Variants in FER observed in about 807,000 individuals in gnomAD.
The protein encoded by FER is FER tyrosine kinase.
Under a neutral mutation model 111.0 loss-of-function variants are expected in FER, and 63 were observed. That is an observed-to-expected ratio of 0.57 (90% confidence interval 0.46 to 0.70). The LOEUF is 0.70. FER is among the 30% of genes least tolerant of loss of function. The pLI is 0.00. For synonymous variants in FER, 327 were observed against 313.9 expected (o/e 1.04, Z -0.44); for missense variants, 914 against 954.0 (o/e 0.96, Z 0.55).
At chr5:109,134,101 A>G (rs1020028056) in intron 17 of FER, among the ~76,000 whole-genome samples, 1 of 152,122 alleles carries the variant, frequency 6.6e-6, no homozygotes, top group African/African-American at 2.4e-5. Context: ...TGAAAGGATA[A>G]AAGAATGTTT....
At chr5:108,873,662 G>A (rs973680206) in intron 8 of FER, among the ~76,000 whole-genome samples, 2 of 151,986 alleles carry the variant, frequency 1.3e-5, no homozygotes, top group African/African-American at 4.8e-5. Flanking sequence ...CCCTATACAG[G>A]GGTCTCACTT....
chr5:108,760,993 C>T (rs565523921), intron 1 of FER, among the ~76,000 whole-genome samples: 28 of 151,664 alleles, frequency 1.8e-4, no homozygotes, highest in Admixed American at 1.4e-3. Context: ...TGCAGTGGCA[C>T]GATCTCTGCT....
At chr5:108,903,338 A>C (rs1750307317) in intron 10 of FER, among the ~76,000 whole-genome samples, 2 of 152,188 alleles carry the variant, frequency 1.3e-5, no homozygotes, top group African/African-American at 4.8e-5. Flanking sequence ...ATTTTGTTAC[A>C]TTTTCAACCA....
rs115974690 is a variant in FER at position 109,131,076 on chromosome 5, C to T, written c.2048+30557C>T. 4.2e-3 allele frequency among the ~76,000 whole-genome samples: 638 copies of T among 152,104 alleles called. 2 individuals carry two copies. The highest frequency in any genetic ancestry group is 0.014 in the Middle Eastern group (4 of 294). The stretch of plus-strand genomic sequence containing the variant: ...GAAGACACTCAATATATGTTTGTCG[C>T]AAGGAAGTTAGAGAAGAGAGAAACT... On this transcript the variant is annotated intron_variant, in intron 17 of 19. Coordinates refer to ENST00000281092, the MANE Select transcript of FER (RefSeq NM_005246.4).
At chr5:108,800,852 C>G (rs1018982653) in intron 3 of FER, among the ~76,000 whole-genome samples, 9 of 152,150 alleles carry the variant, frequency 5.9e-5, no homozygotes, top group African/African-American at 2.2e-4. Flanking sequence ...CGAGACCATC[C>G]TGGCTAACAC....
At chr5:108,811,970 C>T (rs986675639) in intron 3 of FER, among the ~76,000 whole-genome samples, 16 of 152,300 alleles carry the variant, frequency 1.1e-4, no homozygotes, top group Admixed American at 3.9e-4. Flanking sequence ...ATGCTAATCT[C>T]TTCTGGAAAC....
At chr5:109,024,310 A>C (rs1455612206) in intron 13 of FER, among the ~76,000 whole-genome samples, 1 of 152,180 alleles carries the variant, frequency 6.6e-6, no homozygotes, top group African/African-American at 2.4e-5. Flanking sequence ...CCAACAGCCC[A>C]ACAAAATGAC....
At chr5:108,883,682 C>T (rs2150287746) in intron 9 of FER, among the ~76,000 whole-genome samples, 164 bp downstream of exon 9, 1 of 151,992 alleles carries the variant, frequency 6.6e-6, no homozygotes, top group East Asian at 1.9e-4. Context: ...AAAAATGATT[C>T]TGTGGTTTTA....
intron 13 of FER, among the ~76,000 whole-genome samples, chr5:109,031,544 A>G (rs754947718): frequency 9.2e-5 from 14 of 152,332 alleles, no homozygotes; most frequent in Non-Finnish European, 1.8e-4. Context: ...CTTCTGGTCT[A>G]TAAGATTAAG....
At chr5:109,044,623 G>T in intron 14 of FER, 57 bp from the exon 15 acceptor site, 1 of 840,798 alleles carries the variant, frequency 1.2e-6, no homozygotes, top group South Asian at 2.1e-5. Context: ...CCTTGTATTT[G>T]GCAAAGATAT....
intron 13 of FER, among the ~76,000 whole-genome samples, chr5:109,004,957 C>A (rs1404195511): frequency 6.6e-6 from 1 of 151,512 alleles, no homozygotes; most frequent in Non-Finnish European, 1.5e-5. Flanking sequence ...AAAAGAACTA[C>A]TGATAAAAGC....
intron 13 of FER, among the ~76,000 whole-genome samples, chr5:109,017,609 A>G (rs1399950004): frequency 6.6e-6 from 1 of 151,984 alleles, no homozygotes; most frequent in African/African-American, 2.4e-5. Flanking sequence ...TAGTTCTTTT[A>G]GCTTGGGTCC....
chr5:108,874,642 T>G (rs1392379370), intron 8 of FER, among the ~76,000 whole-genome samples: 1 of 152,022 alleles, frequency 6.6e-6, no homozygotes, highest in African/African-American at 2.4e-5. Flanking sequence ...TTAGTAGTGC[T>G]TTAAAGTTAA....
intron 2 of FER, among the ~76,000 whole-genome samples, chr5:108,789,842 A>T (rs1454597076): frequency 6.6e-6 from 1 of 152,082 alleles, no homozygotes; most frequent in African/African-American, 2.4e-5. Context: ...ACCTCAAGTG[A>T]TCCACCTGCC....
chr5:108,764,844 G>T (rs1444644158), intron 1 of FER, among the ~76,000 whole-genome samples: 1 of 152,200 alleles, frequency 6.6e-6, no homozygotes, highest in Non-Finnish European at 1.5e-5. Context: ...GAGAAGTAGA[G>T]CCAGGACTAG....
At chr5:109,092,137 A>G (rs1004743425) in intron 16 of FER, among the ~76,000 whole-genome samples, 1 of 151,936 alleles carries the variant, frequency 6.6e-6, no homozygotes, top group Non-Finnish European at 1.5e-5. Context: ...AAAATGACCT[A>G]AATGTAAGAT....
At chr5:108,843,637 C>T (rs1761508825) in intron 5 of FER, among the ~76,000 whole-genome samples, 1 of 150,166 alleles carries the variant, frequency 6.7e-6, no homozygotes. Context: ...TCAAGTAATT[C>T]TCCTCCTCAG....
chr5:109,133,281 A>G (rs1413271872), intron 17 of FER, among the ~76,000 whole-genome samples: 1 of 152,176 alleles, frequency 6.6e-6, no homozygotes, highest in Non-Finnish European at 1.5e-5. Flanking sequence ...TATGCAAACA[A>G]TGCTAGAAAA....
At chr5:109,032,806 CTAAAA>C (rs1279385834) in intron 13 of FER, among the ~76,000 whole-genome samples, 3 of 152,146 alleles carry the variant, frequency 2.0e-5, no homozygotes, top group Admixed American at 1.3e-4. Context: ...CAGAATCTCT[CTAAAA>C]TAAGAGAATT....
Sources: gnomAD v4.1 joint callset for allele counts (sites outside exome capture counted in the v4.1 genomes callset) on GRCh38, gnomAD v4.1.1 for gene constraint, MANE v1.5 for transcripts, NCBI Gene and HGNC (gene_info 2026-07-23, HGNC 2026-07-21) for gene names.